The following DLEU7 variants were observed in gnomAD, a reference collection of about 807,000 sequenced individuals.
The protein encoded by DLEU7 is leukemia-associated protein 7.
In DLEU7, 17 loss-of-function variants were observed where a neutral mutation model predicts 16.0. The ratio of observed to expected loss-of-function variants is 1.06; its 90% CI spans 0.73 to 1.59. The LOEUF (loss-of-function observed/expected upper bound fraction) is 1.59. Ranked by LOEUF, DLEU7 falls within the 40% of genes most tolerant of loss-of-function variation. DLEU7 has a pLI of 0.00. For missense variants in DLEU7, 308 were observed against 314.9 expected, an observed-to-expected ratio of 0.98 and a Z score of 0.17; for synonymous variants, 113 against 139.8, an observed-to-expected ratio of 0.81 and a Z score of 1.35.
chr13:50,736,395 A>G (rs142622530), intron 1 of DLEU7, among the ~76,000 whole-genome samples: 126 of 152,262 alleles, frequency 8.3e-4, no homozygotes, highest in South Asian at 5.8e-3. Context: ...ATAAATAACT[A>G]TCGGGTACCA....
chr13:50,843,138 G>T lies in DLEU7; in HGVS notation c.459+50C>A. The T allele has an allele frequency of 6.5e-7, 1 of 1,528,084 alleles. No individual in the cohort carries two copies. Among genetic ancestry groups the T allele is most frequent in the Non-Finnish European group, 8.8e-7 (1 of 1,134,798 alleles). 94.7% of individuals were successfully genotyped at this position (1,528,084 alleles called of 1,614,324 possible). ...CATCCCAGCAGCCCCACCCTTGGAG[G>T]ATGGGAGGTTACCCTGCACGCCAGA... On this transcript the variant is annotated intron_variant, in intron 1 of 1. Transcript: ENST00000504404. The surrounding 1 kb of genome is among the most constrained non-coding windows in gnomAD (Gnocchi z 5.7).
downstream of DLEU7, among the ~76,000 whole-genome samples, chr13:50,818,298 G>T (rs976255902): frequency 2.6e-5 from 4 of 152,050 alleles, no homozygotes; most frequent in African/African-American, 9.7e-5. Flanking sequence ...GCCCAGGCTG[G>T]CCCAGTCATT....
At chr13:50,779,846 T>C (rs936437860) in intron 1 of DLEU7, among the ~76,000 whole-genome samples, 3 of 152,204 alleles carry the variant, frequency 2.0e-5, no homozygotes, top group African/African-American at 7.2e-5. Flanking sequence ...AATGCTAATA[T>C]GTTCTGATTC....
intron 1 of DLEU7, among the ~76,000 whole-genome samples, chr13:50,839,483 A>G (rs1229714930): frequency 6.6e-6 from 1 of 152,146 alleles, no homozygotes; most frequent in Non-Finnish European, 1.5e-5. Flanking sequence ...AATGTCTGTT[A>G]TCATTGTGGT....
At chr13:50,835,014 AGGGGCATATCACATACC>A (rs1211514038) in intron 1 of DLEU7, among the ~76,000 whole-genome samples, 1 of 82,138 alleles carries the variant, frequency 1.2e-5, no homozygotes, top group African/African-American at 4.9e-5. Flanking sequence ...GTACACAGGG[AGGGGCATATCACATACC>A]GGGGCCTGTA....
At chr13:50,725,563 A>G (rs1002804862) in intron 1 of DLEU7, among the ~76,000 whole-genome samples, 2 of 152,220 alleles carry the variant, frequency 1.3e-5, no homozygotes, top group Non-Finnish European at 2.9e-5. Flanking sequence ...TTAGCTATCT[A>G]TGAGATTCAG....
rs567008303 is a variant in DLEU7 at position 50,738,489 on chromosome 13, T to C, written c.460-25249A>G. 3.3e-5 allele frequency among the ~76,000 whole-genome samples: 5 copies of C among 152,258 alleles called. No homozygotes were observed. The South Asian group carries it at 1.0e-3, about 31-fold the overall frequency. ...ATTCTCAATGGCAATGCACATCTTA[T>C]TGCCTGCACCCAGGGTAGGCCCTCC... On this transcript the variant is annotated intron_variant, in intron 1 of 1. Transcript: ENST00000400393.
At chr13:50,739,845 C>T (rs1874199805) in intron 1 of DLEU7, among the ~76,000 whole-genome samples, 1 of 152,066 alleles carries the variant, frequency 6.6e-6, no homozygotes, top group South Asian at 2.1e-4. Context: ...TGGCCAAATG[C>T]TTAGATACAT....
chr13:50,734,366 C>G (rs146481047), intron 1 of DLEU7, among the ~76,000 whole-genome samples: 1 of 152,296 alleles, frequency 6.6e-6, no homozygotes, highest in Admixed American at 6.5e-5. Flanking sequence ...CTGCTTTCCA[C>G]CTTATCGTCC....
In DLEU7 at chr13:50,823,316, A is replaced by G. The variant is rs1000483843; in HGVS notation, c.664T>C (p.Ter222ArgextTer23). ...TTTACTCCCGATGCCTTTAACACTC[A>G]TATGTCTGGGAGATTCTGTAAGATC... ...RQILQNLPDI[*>R] The change falls in exon 2 of 2, where the codon TGA becomes CGA. Residue 222 changes from the stop codon to arginine, a stop_lost. Transcript: ENST00000504404. 13 of 1,535,372 alleles carry G rather than the reference A, an allele frequency of 8.5e-6. No individual in the cohort carries two copies. Among genetic ancestry groups the G allele is most frequent in the African/African-American group, 4.1e-5 (3 of 72,990 alleles).
intron 1 of DLEU7, among the ~76,000 whole-genome samples, chr13:50,779,362 C>G (rs1002554629): frequency 8.5e-5 from 13 of 152,180 alleles, no homozygotes; most frequent in Non-Finnish European, 1.9e-4. Context: ...TTCACTCTAT[C>G]TAGCTTAATT....
chr13:50,718,723 C>T (rs947661264), intron 1 of DLEU7, among the ~76,000 whole-genome samples: 5 of 152,154 alleles, frequency 3.3e-5, no homozygotes, highest in African/African-American at 1.2e-4. Context: ...TCCTTTTGAT[C>T]AGTGTCAGAT....
In DLEU7 at chr13:50,843,254, C is replaced by A. The variant is rs1877733262; in HGVS notation, c.393G>T (p.Leu131=). ...LARVVDSTSE[L]VSVEQTLLGP... The stretch of plus-strand genomic sequence containing the variant: ...CCAGCAGCGTCTGCTCCACGCTGAC[C>A]AGCTCCGAAGTCGAGTCCACCACGC... Residue 131 remains leucine, a synonymous_variant, in exon 1 of 2, where the codon CTG becomes CTT. Transcript: ENST00000504404. This position sits in a 1 kb window ranked among gnomAD's most constrained non-coding sequence, Gnocchi z 5.7. 1 of 1,594,490 alleles carries A rather than the reference C, an allele frequency of 6.3e-7. No individual in the cohort carries two copies. The highest frequency in any genetic ancestry group is 2.4e-5 in the East Asian group (1 of 42,306).
intron 1 of DLEU7, among the ~76,000 whole-genome samples, chr13:50,758,025 ATT>A (rs5803530): frequency 0.017 from 1,485 of 88,960 alleles, 21 homozygotes; most frequent in African/African-American, 0.06. Context: ...CATTACCAAG[ATT>A]TTTTTTTTTT....
chr13:50,786,409 G>A (rs78788093), intron 1 of DLEU7, among the ~76,000 whole-genome samples: 2 of 152,042 alleles, frequency 1.3e-5, no homozygotes, highest in Non-Finnish European at 2.9e-5. Flanking sequence ...ATTTGTATAC[G>A]TGTACTATAC....
At chr13:50,832,373 CT>C (rs1877303983) in intron 1 of DLEU7, among the ~76,000 whole-genome samples, 1 of 152,136 alleles carries the variant, frequency 6.6e-6, no homozygotes, top group African/African-American at 2.4e-5. Flanking sequence ...ATTCTTCTCT[CT>C]TTTCTCCTTT....
intron 1 of DLEU7, among the ~76,000 whole-genome samples, chr13:50,816,694 AT>A (rs1876746861): frequency 6.6e-6 from 1 of 152,102 alleles, no homozygotes; most frequent in African/African-American, 2.4e-5. Flanking sequence ...GAAAAGTGTC[AT>A]TTGTGAGGAG....
intron 1 of DLEU7, among the ~76,000 whole-genome samples, chr13:50,759,498 G>C (rs903587167): frequency 7.8e-6 from 1 of 128,694 alleles, no homozygotes; most frequent in Admixed American, 7.4e-5. Context: ...AATAAGTTTT[G>C]GGAGTTTTAT....
In DLEU7 at chr13:50,843,353, G is replaced by A. The variant is rs770658914; in HGVS notation, c.294C>T (p.Ala98=). 6.9e-7 allele frequency: 1 copy of A among 1,448,142 alleles called. No homozygotes were observed. The highest frequency in any genetic ancestry group is 2.7e-5 in the Admixed American group (1 of 37,684). The allele number at this position is 1,448,142 out of a possible 1,614,324, so 89.7% of individuals were successfully genotyped here. The change falls in exon 1 of 2, where the codon GCC becomes GCT. Residue 98 remains alanine (A), a synonymous_variant. Coordinates refer to ENST00000504404, the MANE Select transcript of DLEU7 (RefSeq NM_001306135.2). The surrounding 1 kb of genome is among the most constrained non-coding windows in gnomAD (Gnocchi z 5.7). ...EEVVRGAEGG[A]ELLPFPRDRG... is the part of the protein sequence containing the mutation. Reference sequence around the variant, plus strand: ...GGTCCCGGGGGAAGGGCAGCAACTCGGCGCCCCCCTCAGCGCCTCGCACTA... The same window carrying A: ...GGTCCCGGGGGAAGGGCAGCAACTCAGCGCCCCCCTCAGCGCCTCGCACTA...
Sources: gnomAD v4.1 joint callset for allele counts (sites outside exome capture counted in the v4.1 genomes callset) on GRCh38, gnomAD v4.1.1 for gene constraint, Gnocchi (gnomAD v3.1) non-coding constraint, MANE v1.5 for transcripts, NCBI Gene and HGNC (gene_info 2026-07-23, HGNC 2026-07-21) for gene names.